ADGB: variants seen among roughly 807,000 people sequenced by gnomAD.
The protein encoded by ADGB is calpain-7-like protein.
A neutral mutation model predicts 210.5 loss-of-function variants in ADGB; 172 were observed. The ratio of observed to expected loss-of-function variants is 0.82; its 90% CI spans 0.72 to 0.93. The LOEUF is 0.93. Among genes scored for constraint, ADGB ranks in the 40% least tolerant of loss-of-function variants. The pLI is 0.00. For missense variants in ADGB, 2,025 were observed against 1,964.8 expected, an observed-to-expected ratio of 1.03 and a Z score of -0.58; for synonymous variants, 658 against 662.7, an observed-to-expected ratio of 0.99 and a Z score of 0.11.
intron 29 of ADGB, among the ~76,000 whole-genome samples, chr6:146,773,484 G>A (rs1777682494): frequency 6.6e-6 from 1 of 152,038 alleles, no homozygotes; most frequent in Non-Finnish European, 1.5e-5. Flanking sequence ...GAAAAACTCT[G>A]GAGAGACCTA....
At chr6:146,608,932 T>C (rs985709716) in intron 1 of ADGB, among the ~76,000 whole-genome samples, 3 of 152,224 alleles carry the variant, frequency 2.0e-5, no homozygotes, top group Non-Finnish European at 4.4e-5. Flanking sequence ...TTTTAAATTT[T>C]CTGCTTTGAT....
intron 13 of ADGB, among the ~76,000 whole-genome samples, chr6:146,705,603 A>T (rs902725412): frequency 6.6e-6 from 1 of 152,174 alleles, no homozygotes; most frequent in Non-Finnish European, 1.5e-5. Flanking sequence ...ATGTCAAACC[A>T]TCCTTGCATC....
chr6:146,622,789 T>C (rs1461602745), intron 1 of ADGB, among the ~76,000 whole-genome samples: 1 of 152,116 alleles, frequency 6.6e-6, no homozygotes, highest in Non-Finnish European at 1.5e-5. Flanking sequence ...ATTCAAGATA[T>C]CTTTGGCATA....
intron 18 of ADGB, 88 bp downstream of exon 18, chr6:146,724,415 C>A (rs1480096173): frequency 7.7e-7 from 1 of 1,307,124 alleles, no homozygotes; most frequent in African/African-American, 1.5e-5. Context: ...AATATGGACT[C>A]TAAGACATTG....
In ADGB at chr6:146,788,583, G is replaced by A. The variant is rs1194872705; in HGVS notation, c.4510G>A (p.Glu1504Lys). The change falls in exon 33 of 36, where the codon GAG (glutamate) becomes AAG (lysine). Residue 1504 changes from glutamate (E) to lysine (K), a missense_variant. Coordinates refer to ENST00000397944, the MANE Select transcript of ADGB (RefSeq NM_024694.4). ...GVSSPGKEER[E>K]QSTRKENIQT... is the part of the protein sequence containing the mutation. ...GTCTTCACCAGGGAAAGAAGAGCGC[G>A]AGCAGAGCACACGGAAGGAAAACAT... The A allele has an allele frequency of 9.7e-6, 15 of 1,551,710 alleles. No individual in the cohort carries two copies. The Admixed American group carries it at 2.5e-4, about 26-fold the overall frequency.
At chr6:146,723,233 T>C (rs1222305407) in intron 17 of ADGB, among the ~76,000 whole-genome samples, 1 of 152,170 alleles carries the variant, frequency 6.6e-6, no homozygotes, top group African/African-American at 2.4e-5. Context: ...TCTATAGGCA[T>C]GAAGGCATTT....
At chr6:146,799,442 G>C (rs1778092212) in intron 33 of ADGB, among the ~76,000 whole-genome samples, 1 of 151,602 alleles carries the variant, frequency 6.6e-6, no homozygotes, top group Non-Finnish European at 1.5e-5. Context: ...GCTGAAGCAG[G>C]AGAATCGCTT....
chr6:146,803,021 G>A, intron 35 of ADGB: 1 of 1,603,648 alleles, frequency 6.2e-7, no homozygotes, highest in Admixed American at 1.7e-5. Flanking sequence ...CTTCAAATTT[G>A]CTTTTAAGTA....
At chr6:146,740,271 T>C (rs977464313) in intron 23 of ADGB, among the ~76,000 whole-genome samples, 188 bp from the exon 24 acceptor site, 2 of 152,208 alleles carry the variant, frequency 1.3e-5, no homozygotes, top group African/African-American at 4.8e-5. Context: ...GTGATTAACC[T>C]AGAATGGGTC....
intron 23 of ADGB, among the ~76,000 whole-genome samples, chr6:146,740,069 C>G (rs1182390998): frequency 6.6e-6 from 1 of 152,220 alleles, no homozygotes; most frequent in African/African-American, 2.4e-5. Context: ...TCCATTCTCT[C>G]TACTTCAATT....
chr6:146,626,008 G>A (rs1272638097), intron 1 of ADGB, among the ~76,000 whole-genome samples: 1 of 151,364 alleles, frequency 6.6e-6, no homozygotes, highest in Non-Finnish European at 1.5e-5. Flanking sequence ...TTATTCCTCT[G>A]CTATATTTTG....
chr6:146,753,273 G>A (rs12196020), intron 27 of ADGB, among the ~76,000 whole-genome samples: 48,486 of 151,754 alleles, frequency 0.32, 8,869 homozygotes, highest in African/African-American at 0.5. Context: ...TTATAATCGT[G>A]CTACTCAGAA....
In ADGB at chr6:146,788,656, A is replaced by C. The variant is rs1290486585; in HGVS notation, c.4537+46A>C. The C allele has an allele frequency of 3.3e-6, 5 of 1,500,418 alleles. No individual in the cohort carries two copies. The African/African-American group carries it at 5.6e-5, about 17-fold the overall frequency. The allele number at this position is 1,500,418 out of a possible 1,614,324, so 92.9% of individuals were successfully genotyped here. A position where few individuals can be genotyped will look rare whatever the true frequency, so the allele number is the denominator to read the frequency against. On this transcript the variant is annotated intron_variant, in intron 33 of 35. Coordinates refer to ENST00000397944, the MANE Select transcript of ADGB (RefSeq NM_024694.4). ...TAACATAAACATGTATTTTCAAATA[A>C]AAATTATGGAAAAGATTTTAACTTA...
At chr6:146,797,052 A>G (rs1009593862) in intron 33 of ADGB, among the ~76,000 whole-genome samples, 3 of 152,064 alleles carry the variant, frequency 2.0e-5, no homozygotes, top group African/African-American at 7.2e-5. Context: ...TGAATAGACA[A>G]TCTCAAAATA....
intron 33 of ADGB, among the ~76,000 whole-genome samples, chr6:146,792,138 AAT>A (rs2114654852): frequency 6.6e-6 from 1 of 152,024 alleles, no homozygotes; most frequent in African/African-American, 2.4e-5. Flanking sequence ...GTAGCTTTGT[AAT>A]ATGTTTTGAA....
chr6:146,814,893 C>A (rs971421671), intron 35 of ADGB, 139 bp from the exon 36 acceptor site: 2 of 738,998 alleles, frequency 2.7e-6, no homozygotes, highest in Non-Finnish European at 4.3e-6. Context: ...TGAGACCATA[C>A]ACTAATTTTC....
At chr6:146,765,049 G>C (rs531256378) in intron 28 of ADGB, among the ~76,000 whole-genome samples, 3 of 151,988 alleles carry the variant, frequency 2.0e-5, no homozygotes, top group African/African-American at 7.2e-5. Context: ...TCCACCTGCC[G>C]TGGCCTCCCA....
intron 1 of ADGB, among the ~76,000 whole-genome samples, chr6:146,604,726 G>A (rs918033125): frequency 6.6e-6 from 1 of 152,106 alleles, no homozygotes; most frequent in African/African-American, 2.4e-5. Context: ...TTCTGTCAAG[G>A]GATTTACACT....
At chr6:146,626,650 T>C (rs1254861337) in intron 1 of ADGB, among the ~76,000 whole-genome samples, 1 of 152,008 alleles carries the variant, frequency 6.6e-6, no homozygotes, top group Non-Finnish European at 1.5e-5. Flanking sequence ...CTTTTCTTTT[T>C]TCCTCTGCAT....
Sources: gnomAD v4.1 joint callset for allele counts (sites outside exome capture counted in the v4.1 genomes callset) on GRCh38, gnomAD v4.1.1 for gene constraint, MANE v1.5 for transcripts, NCBI Gene and HGNC (gene_info 2026-07-23, HGNC 2026-07-21) for gene names.